The following UHMK1 variants were observed in gnomAD, a reference collection of about 807,000 sequenced individuals.
The protein encoded by UHMK1 is U2AF homology motif kinase 1.
UHMK1 carries 18 observed loss-of-function variants against 44.0 expected under a neutral mutation model. The observed-to-expected ratio is 0.41, with a 90% CI of 0.28 to 0.61. The LOEUF is 0.61. Among genes scored for constraint, UHMK1 ranks in the 20% least tolerant of loss-of-function variants. The probability of loss-of-function intolerance (pLI) is 0.31; values close to 1 mark genes in which losing one functional copy is unlikely to be tolerated. For missense variants in UHMK1, 463 were observed against 522.5 expected, an observed-to-expected ratio of 0.89 and a Z score of 1.11; for synonymous variants, 231 against 198.5, an observed-to-expected ratio of 1.16 and a Z score of -1.38.
chr1:162,501,969 G>A (rs1328155418), intron 3 of UHMK1, among the ~76,000 whole-genome samples: 1 of 150,238 alleles, frequency 6.7e-6, no homozygotes, highest in Admixed American at 6.6e-5. Flanking sequence ...TTTAATACTT[G>A]TTTAATATCA....
intron 6 of UHMK1, among the ~76,000 whole-genome samples, chr1:162,515,652 T>G (rs1651808000): frequency 6.6e-6 from 1 of 152,250 alleles, no homozygotes; most frequent in Admixed American, 6.5e-5. Flanking sequence ...TTCAGAATAC[T>G]ACTTAGGTCC....
intron 6 of UHMK1, among the ~76,000 whole-genome samples, chr1:162,516,991 A>G (rs1406758801): frequency 1.3e-5 from 2 of 152,266 alleles, no homozygotes; most frequent in Admixed American, 6.5e-5. Context: ...TATTTCTAGA[A>G]TGTCAACTTA....
At position 162,527,665 on chromosome 1, in the gene UHMK1, AT is replaced by A. The variant is rs1473843135; in HGVS notation, c.*5116del. The A allele has an allele frequency of 1.3e-5, 2 of 152,088 alleles. No individual in the cohort carries two copies. The highest frequency in any genetic ancestry group is 2.9e-5 in the Non-Finnish European group (2 of 67,938). 9.4% of individuals were successfully genotyped at this position (152,088 alleles called of 1,614,324 possible). On this transcript the variant is annotated 3_prime_UTR_variant, in exon 8 of 8. Transcript: ENST00000489294. ...CTGAAATTCATGGGAAACTTACCAAATGACTGCTTGAGTGTTATTTCCCATT... is the reference window on the plus strand; with the variant it reads ...CTGAAATTCATGGGAAACTTACCAAAGACTGCTTGAGTGTTATTTCCCATT...
chr1:162,501,371 T>C (rs895055243), intron 3 of UHMK1, among the ~76,000 whole-genome samples: 1 of 152,168 alleles, frequency 6.6e-6, no homozygotes, highest in Non-Finnish European at 1.5e-5. Context: ...AGTTTCACCA[T>C]GTTGGCCAGG....
intron 7 of UHMK1, among the ~76,000 whole-genome samples, chr1:162,520,502 CTT>C (rs904496523): frequency 5.9e-5 from 9 of 152,076 alleles, no homozygotes; most frequent in African/African-American, 1.9e-4. Flanking sequence ...AAGGAAGAAA[CTT>C]AAGGAGTGCT....
At chr1:162,508,065 T>G (rs916463918) in intron 4 of UHMK1, among the ~76,000 whole-genome samples, 9 of 152,126 alleles carry the variant, frequency 5.9e-5, no homozygotes, top group African/African-American at 2.2e-4. Context: ...TTTTTTCTGT[T>G]GCTCTTTCAC....
intron 7 of UHMK1, among the ~76,000 whole-genome samples, chr1:162,521,460 G>A (rs986090008): frequency 1.1e-4 from 17 of 151,954 alleles, no homozygotes; most frequent in Admixed American, 9.8e-4. Context: ...TTTTTGGGGT[G>A]GGGTCAGGGA....
intron 4 of UHMK1, among the ~76,000 whole-genome samples, chr1:162,507,342 ACTC>A (rs1651504221): frequency 6.8e-6 from 1 of 147,138 alleles, no homozygotes; most frequent in Non-Finnish European, 1.5e-5. Context: ...CTGGTCTTGA[ACTC>A]CTGATCTCGT....
At chr1:162,501,710 T>C (rs1170900385) in intron 3 of UHMK1, among the ~76,000 whole-genome samples, 1 of 152,188 alleles carries the variant, frequency 6.6e-6, no homozygotes, top group African/African-American at 2.4e-5. Flanking sequence ...AACAGTAATA[T>C]TAAGTTCTAA....
In UHMK1 at chr1:162,520,540, T is replaced by G. The variant is rs991638836; in HGVS notation, c.1114-1864T>G. 1.3e-4 allele frequency among the ~76,000 whole-genome samples: 20 copies of G among 152,212 alleles called. No individual in the cohort carries two copies. The Middle Eastern group carries it at 0.017, about 129-fold the overall frequency. On this transcript the variant is annotated intron_variant, in intron 7 of 7. Transcript: ENST00000489294. ...GGGGTAGGTAGGGTGGGTTGCACTT[T>G]TAAATGGGTTAGTAGGGAAGGACAT...
At position 162,498,183 on chromosome 1, in the gene UHMK1, C is replaced by T. The variant is rs1651129342; in HGVS notation, c.183C>T (p.Thr61=). The T allele has an allele frequency of 1.2e-6, 2 of 1,613,000 alleles. No homozygotes were observed. The highest frequency in any genetic ancestry group is 2.7e-5 in the African/African-American group (2 of 74,948). The change falls in exon 1 of 8, where the codon ACC becomes ACT. Residue 61 remains threonine (T), a synonymous_variant. Coordinates refer to ENST00000489294, the MANE Select transcript of UHMK1 (RefSeq NM_175866.5). ...GALKQFLPPG[T]TGAAASAAEY... The stretch of plus-strand genomic sequence containing the variant: ...TCAAGCAGTTCTTGCCGCCAGGAAC[C>T]ACCGGGGCTGCGGCCTCTGCCGCCG...
intron 3 of UHMK1, among the ~76,000 whole-genome samples, chr1:162,503,139 G>A (rs1241574801): frequency 1.3e-5 from 2 of 152,098 alleles, no homozygotes; most frequent in Non-Finnish European, 2.9e-5. Flanking sequence ...GAGATACCCT[G>A]AGTCACCTAT....
At chr1:162,507,361 G>T (rs1460426021) in intron 4 of UHMK1, among the ~76,000 whole-genome samples, 2 of 151,790 alleles carry the variant, frequency 1.3e-5, no homozygotes, top group African/African-American at 4.8e-5. Context: ...CTCGTGATCC[G>T]CCTGCCTTGG....
Position 162,528,867 on chromosome 1 carries a change from A to G in UHMK1, c.*6317A>G, listed in dbSNP as rs759826127. 2 of 152,100 alleles carry G rather than the reference A, an allele frequency of 1.3e-5. No individual in the cohort carries two copies. The highest frequency in any genetic ancestry group is 2.4e-5 in the African/African-American group (1 of 41,446). The allele number at this position is 152,100 out of a possible 1,614,324, so 9.4% of individuals were successfully genotyped here. A position where few individuals can be genotyped will look rare whatever the true frequency, so the allele number is the denominator to read the frequency against. On this transcript the variant is annotated 3_prime_UTR_variant, in exon 8 of 8. Coordinates refer to ENST00000489294, the MANE Select transcript of UHMK1 (RefSeq NM_175866.5). Reference sequence around the variant, plus strand: ...TTTTATTTTTTCCCAAAAGGGTTCCATCTTTGCTATCTGTTGATCAGCCTT... The same window carrying G: ...TTTTATTTTTTCCCAAAAGGGTTCCGTCTTTGCTATCTGTTGATCAGCCTT...
intron 7 of UHMK1, among the ~76,000 whole-genome samples, chr1:162,519,146 CT>C (rs1447803347): frequency 1.4e-5 from 2 of 138,204 alleles, no homozygotes; most frequent in African/African-American, 2.7e-5. Context: ...GTGAAACCCC[CT>C]CTCTACTAAA....
At position 162,525,626 on chromosome 1, in the gene UHMK1, A is replaced by G. The variant is rs528298885; in HGVS notation, c.*3076A>G. ...CCTCAGTAAGAGACAGCATTAACTA[A>G]AAGTACTGACTGCCTTTTAAAGGAA... is the stretch of plus-strand genomic sequence containing the variant. On this transcript the variant is annotated 3_prime_UTR_variant, in exon 8 of 8. Transcript: ENST00000489294. 1 of 152,342 alleles carries G rather than the reference A, an allele frequency of 6.6e-6. No homozygotes were observed. Among genetic ancestry groups the G allele is most frequent in the South Asian group, 2.1e-4 (1 of 4,828 alleles). The allele number at this position is 152,342 out of a possible 1,614,324, so 9.4% of individuals were successfully genotyped here.
chr1:162,512,917 A>G (rs1395491895), intron 6 of UHMK1, 94 bp downstream of exon 6: 3 of 1,227,522 alleles, frequency 2.4e-6, no homozygotes, highest in African/African-American at 3.1e-5. Context: ...CAATTTATCT[A>G]ATGAGAATAT....
At chr1:162,508,404 G>A (rs900782771) in intron 4 of UHMK1, among the ~76,000 whole-genome samples, 20 of 150,808 alleles carry the variant, frequency 1.3e-4, no homozygotes, top group African/African-American at 4.6e-4. Flanking sequence ...GAGCCACCAC[G>A]CCTGGCCATT....
intron 4 of UHMK1, among the ~76,000 whole-genome samples, chr1:162,507,276 T>C (rs1312182928): frequency 6.6e-6 from 1 of 151,846 alleles, no homozygotes; most frequent in African/African-American, 2.4e-5. Context: ...ACTGCCACCA[T>C]GCCTGGCTAA....
Sources: gnomAD v4.1 joint callset for allele counts (sites outside exome capture counted in the v4.1 genomes callset) on GRCh38, gnomAD v4.1.1 for gene constraint, MANE v1.5 for transcripts, NCBI Gene and HGNC (gene_info 2026-07-23, HGNC 2026-07-21) for gene names.